The following SCIN variants were observed in gnomAD, a reference collection of about 807,000 sequenced individuals.
SCIN encodes the protein scinderin.
Under a neutral mutation model 91.8 loss-of-function variants are expected in SCIN, and 91 were observed. The observed-to-expected ratio is 0.99, with a 90% CI of 0.84 to 1.18. The LOEUF (loss-of-function observed/expected upper bound fraction) is 1.18. SCIN is among the 50% of genes most tolerant of loss of function. The probability of loss-of-function intolerance (pLI) is 0.00; values close to 1 mark genes in which losing one functional copy is unlikely to be tolerated. For missense variants in SCIN, 1,087 were observed against 863.9 expected (o/e 1.26, Z -3.24); for synonymous variants, 367 against 312.6 (o/e 1.17, Z -1.84).
intron 10 of SCIN, among the ~76,000 whole-genome samples, chr7:12,640,125 A>G (rs983574816): frequency 7.9e-5 from 12 of 152,190 alleles, no homozygotes; most frequent in African/African-American, 2.7e-4. Context: ...ACAAGAAACT[A>G]CTCATGGACA....
chr7:12,589,067 T>C (rs1023575957), intron 3 of SCIN: 2 of 151,590 alleles, frequency 1.3e-5, no homozygotes, highest in Admixed American at 6.6e-5. Context: ...CTGTAAAAAC[T>C]GGGTAAGGAG....
chr7:12,640,263 C>A, intron 10 of SCIN, 84 bp from the exon 11 acceptor site: 1 of 1,195,740 alleles, frequency 8.4e-7, no homozygotes, highest in Non-Finnish European at 1.1e-6. Context: ...TTCAAAAAGA[C>A]AACATAAGAA....
Position 12,644,157 on chromosome 7 carries a change from C to T in SCIN, c.1601C>T (p.Ser534Leu), listed in dbSNP as rs756847630. The stretch of plus-strand genomic sequence containing the variant: ...TTCCAGGTTGATGTTGATGCAAATT[C>T]ACTGAATTCTAACGATGTTTTTGTC... ...RIVEVDVDAN[S>L]LNSNDVFVLK... The change falls in exon 12 of 16, where the codon TCA (serine) becomes TTA (leucine). Residue 534 changes from serine (S) to leucine (L), a missense_variant. By Grantham distance (145) the Ser-to-Leu change is moderately radical. Transcript: ENST00000297029. The T allele has an allele frequency of 1.1e-5, 17 of 1,612,436 alleles. No individual in the cohort carries two copies. In the African/African-American group the frequency reaches 2.3e-4, roughly 22 times the overall value.
intron 3 of SCIN, among the ~76,000 whole-genome samples, chr7:12,581,668 C>T (rs538653275): frequency 1.3e-5 from 2 of 152,318 alleles, no homozygotes; most frequent in South Asian, 2.1e-4. Context: ...TATATACACA[C>T]ACCATACCAT....
intron 3 of SCIN, among the ~76,000 whole-genome samples, chr7:12,582,318 A>T (rs976098389): frequency 4.6e-5 from 7 of 152,222 alleles, no homozygotes; most frequent in Non-Finnish European, 1.0e-4. Context: ...GGCACAAAAG[A>T]TTCTGAAAAT....
At position 12,626,634 on chromosome 7, in the gene SCIN, T is replaced by G; in HGVS notation, c.1032T>G (p.Phe344Leu). Residue 344 changes from phenylalanine (F) to leucine (L), a missense_variant, in exon 8 of 16, where the codon TTT (phenylalanine) becomes TTG (leucine). Phe to Leu is a conservative substitution (Grantham distance 22). Transcript: ENST00000297029. ...GGETPIFKQF[F>L]KDWRDKDQSD... is the part of the protein sequence containing the mutation. ...AAACACCAATCTTCAAACAGTTTTT[T>G]AAGGACTGGAGAGATAAAGATCAGA... 6.4e-7 allele frequency: 1 copy of G among 1,553,106 alleles called. No individual in the cohort carries two copies. Among genetic ancestry groups the G allele is most frequent in the Non-Finnish European group, 8.7e-7 (1 of 1,147,694 alleles).
chr7:12,594,852 C>T (rs1184921491), intron 3 of SCIN, among the ~76,000 whole-genome samples: 5 of 152,186 alleles, frequency 3.3e-5, no homozygotes, highest in South Asian at 2.1e-4. Context: ...CTTGGCCCAG[C>T]GCTGGGTCTT....
chr7:12,577,402 T>C, intron 1 of SCIN: 1 of 374,500 alleles, frequency 2.7e-6, no homozygotes, highest in South Asian at 2.0e-5. Flanking sequence ...TAATAAAGGC[T>C]AAACCACTTG....
intron 3 of SCIN, among the ~76,000 whole-genome samples, chr7:12,602,627 T>G (rs896777270): frequency 1.3e-5 from 2 of 152,154 alleles, no homozygotes; most frequent in Non-Finnish European, 2.9e-5. Context: ...GGTCTTAATA[T>G]TAATATTCCT....
chr7:12,613,173 G>A lies in SCIN; in HGVS notation c.666+8510G>A, dbSNP rs17166232. Among the ~76,000 whole-genome samples the A allele has an allele frequency of 9.4e-3, 1,434 of 151,984 alleles. 26 individuals are homozygous for A. Among genetic ancestry groups the A allele is most frequent in the African/African-American group, 0.033 (1,388 of 41,464 alleles). ...GCAGTTTCTATTCTATCCTTTTAGT[G>A]TTCCACTTGTCACAATAGTGATAAT... On this transcript the variant is annotated intron_variant, in intron 4 of 15. Coordinates refer to ENST00000297029, the MANE Select transcript of SCIN (RefSeq NM_001112706.3).
intron 3 of SCIN, among the ~76,000 whole-genome samples, chr7:12,585,065 A>G (rs890337365): frequency 3.3e-5 from 5 of 152,158 alleles, no homozygotes; most frequent in Admixed American, 1.3e-4. Context: ...CACTATTTAT[A>G]AATGATCACG....
At chr7:12,588,829 GCGGGTGGGAA>G (rs1410305751) in intron 3 of SCIN, 16 of 76,358 alleles carry the variant, frequency 2.1e-4, no homozygotes, top group Non-Finnish European at 2.1e-4. Flanking sequence ...GGGTGCGGGG[GCGGGTGGGAA>G]GGGGGAGGGG....
rs145944116 is a variant in SCIN, at chr7:12,609,943, G to A, written c.666+5280G>A. Among the ~76,000 whole-genome samples, 676 of 152,252 alleles carry A rather than the reference G, an allele frequency of 4.4e-3. 5 individuals are homozygous for A. Among genetic ancestry groups the A allele is most frequent in the African/African-American group, 0.015 (638 of 41,552 alleles). ...TAACTGTTTATCAAGTGCAGGGTTG[G>A]TTCCCAATGAAGTTTGAAGACTCTG... On this transcript the variant is annotated intron_variant, in intron 4 of 15. Transcript: ENST00000297029.
At chr7:12,591,794 G>A (rs538038589) in intron 3 of SCIN, among the ~76,000 whole-genome samples, 1 of 152,128 alleles carries the variant, frequency 6.6e-6, no homozygotes, top group Non-Finnish European at 1.5e-5. Context: ...TATTAATGCT[G>A]CCCTGGCTGG....
At chr7:12,647,777 C>T (rs986155124) in intron 13 of SCIN, among the ~76,000 whole-genome samples, 3 of 152,146 alleles carry the variant, frequency 2.0e-5, no homozygotes, top group African/African-American at 7.2e-5. Flanking sequence ...CTCAAAATCT[C>T]ATCAGATTAG....
intron 1 of SCIN, among the ~76,000 whole-genome samples, chr7:12,574,789 G>A (rs1194888432): frequency 2.6e-5 from 4 of 152,110 alleles, no homozygotes; most frequent in Non-Finnish European, 4.4e-5. Flanking sequence ...CCCACTTTAT[G>A]CTTGTTTGTC....
Position 12,640,336 on chromosome 7 carries a change from T to TC in SCIN, c.1411-6dup. ...AATTATATTTCTTTTATTCCCCCTC[T>TC]CCCCCATCAGATCCGAGTCTCCCAA... On this transcript the variant is annotated splice_polypyrimidine_tract_variant and intron_variant, in intron 10 of 15. Transcript: ENST00000297029. 1 of 1,567,874 alleles carries TC rather than the reference T, an allele frequency of 6.4e-7. No individual in the cohort carries two copies. Among genetic ancestry groups the TC allele is most frequent in the Non-Finnish European group, 8.6e-7 (1 of 1,159,176 alleles).
At position 12,651,067 on chromosome 7, in the gene SCIN, T is replaced by C. The variant is rs893891284; in HGVS notation, c.1960-774T>C. ...GAAAAGGCATACAAATATATTAATG[T>C]TCACAGGAGTCATACAGAATGCAAG... On this transcript the variant is annotated intron_variant, in intron 14 of 15. Transcript: ENST00000297029. The surrounding 1 kb of genome is among the most constrained non-coding windows in gnomAD (Gnocchi z 5.9). Among the ~76,000 whole-genome samples, 2 of 152,188 alleles carry C rather than the reference T, an allele frequency of 1.3e-5. No homozygotes were observed. The highest frequency in any genetic ancestry group is 1.3e-4 in the Admixed American group (2 of 15,274).
At chr7:12,611,714 C>G (rs917041850) in intron 4 of SCIN, among the ~76,000 whole-genome samples, 1 of 152,202 alleles carries the variant, frequency 6.6e-6, no homozygotes, top group East Asian at 1.9e-4. Flanking sequence ...ATATATTTAG[C>G]ATTTTTGAAA....
Sources: gnomAD v4.1 joint callset for allele counts (sites outside exome capture counted in the v4.1 genomes callset) on GRCh38, gnomAD v4.1.1 for gene constraint, Gnocchi (gnomAD v3.1) non-coding constraint, MANE v1.5 for transcripts, NCBI Gene and HGNC (gene_info 2026-07-23, HGNC 2026-07-21) for gene names.